The following DYNC2H1 variants were observed in gnomAD, a reference collection of about 807,000 sequenced individuals.
DYNC2H1 encodes the protein cytoplasmic dynein 2 heavy chain 1.
DYNC2H1 carries 410 observed loss-of-function variants against 570.0 expected under a neutral mutation model. The observed-to-expected ratio is 0.72, with a 90% CI of 0.66 to 0.78. The LOEUF is 0.78. Ranked by LOEUF, DYNC2H1 falls within the 30% of genes least tolerant of loss-of-function variation. DYNC2H1 has a pLI of 0.00. For synonymous variants in DYNC2H1, 1,688 were observed against 1,677.6 expected (o/e 1.01, Z -0.15); for missense variants, 4,865 against 5,046.4 (o/e 0.96, Z 1.09).
At position 103,114,211 on chromosome 11, in the gene DYNC2H1, T is replaced by C. The variant is rs775921776; in HGVS notation, c.475T>C (p.Leu159=). 7 of 1,596,882 alleles carry C rather than the reference T, an allele frequency of 4.4e-6. No homozygotes were observed. The highest frequency in any genetic ancestry group is 6.0e-6 in the Non-Finnish European group (7 of 1,170,682). Reference sequence around the variant, plus strand: ...AAGATCAGACACTAACTTAACAAAATTGAAATTTAAGGAAGATGACACACG... The same window carrying C: ...AAGATCAGACACTAACTTAACAAAACTGAAATTTAAGGAAGATGACACACG... ...LRRSDTNLTK[L]KFKEDDTRGI... is the part of the protein sequence containing the mutation. The change falls in exon 3 of 89, where the codon TTG becomes CTG. Residue 159 remains leucine, a synonymous_variant. Coordinates refer to ENST00000375735, the MANE Select transcript of DYNC2H1 (RefSeq NM_001377.3).
In DYNC2H1 at chr11:103,154,370, G is replaced by A. The variant is rs1860709683; in HGVS notation, c.3303-81G>A. 8 of 1,222,304 alleles carry A rather than the reference G, an allele frequency of 6.5e-6. 1 individual carries two copies. In the South Asian group the frequency reaches 1.3e-4, roughly 19 times the overall value. 75.7% of individuals were successfully genotyped at this position (1,222,304 alleles called of 1,614,324 possible). A position where few individuals can be genotyped will look rare whatever the true frequency, so the allele number is the denominator to read the frequency against. On this transcript the variant is annotated intron_variant, in intron 22 of 88. Transcript: ENST00000375735. ...GTGTGTGTACACACATACAAGGATT[G>A]CAGTTAAGTAACTTAATGATACTTA...
chr11:103,424,024 A>G (rs934213047), intron 84 of DYNC2H1, among the ~76,000 whole-genome samples: 4 of 152,256 alleles, frequency 2.6e-5, no homozygotes, highest in African/African-American at 9.6e-5. Flanking sequence ...AGACTTGTGC[A>G]CTGAGAGCTA....
intron 12 of DYNC2H1, among the ~76,000 whole-genome samples, chr11:103,127,791 C>G (rs1859073757): frequency 6.6e-6 from 1 of 152,202 alleles, no homozygotes; most frequent in Non-Finnish European, 1.5e-5. Context: ...TTATTGAGTC[C>G]TTGCTGTTTG....
rs75543064 is a variant in DYNC2H1, at chr11:103,126,529, T to C, written c.1857+1234T>C. Among the ~76,000 whole-genome samples, 5 of 152,226 alleles carry C rather than the reference T, an allele frequency of 3.3e-5. No individual in the cohort carries two copies. In the East Asian group the frequency reaches 5.8e-4, roughly 18 times the overall value. On this transcript the variant is annotated intron_variant, in intron 12 of 88. Transcript: ENST00000375735. ...TTTAATTAATTCCCCATTGTACCAC[T>C]GATCTAACTGAGGATCAGATGTTTA...
chr11:103,237,569 A>G (rs1864268086), intron 63 of DYNC2H1, among the ~76,000 whole-genome samples: 1 of 151,726 alleles, frequency 6.6e-6, no homozygotes, highest in Admixed American at 6.6e-5. Flanking sequence ...TTTTTTTATT[A>G]TTTTCACAAT....
At chr11:103,367,045 T>C (rs1295646038) in intron 83 of DYNC2H1, among the ~76,000 whole-genome samples, 2 of 152,134 alleles carry the variant, frequency 1.3e-5, no homozygotes, top group Non-Finnish European at 2.9e-5. Context: ...CCTAATTAAA[T>C]TGCATATTAA....
Position 103,265,199 on chromosome 11 carries a change from T to G in DYNC2H1, c.10695+5222T>G, listed in dbSNP as rs1264764618. 7.2e-5 allele frequency among the ~76,000 whole-genome samples: 11 copies of G among 152,176 alleles called. No homozygotes were observed. In the South Asian group the frequency reaches 2.3e-3, roughly 32 times the overall value. On this transcript the variant is annotated intron_variant, in intron 70 of 88. Transcript: ENST00000375735. ...ACACAGAGAGGGGAACATCACACAC[T>G]GGAGCCTGTTGGGGGGTGCGGTAAA...
intron 70 of DYNC2H1, among the ~76,000 whole-genome samples, chr11:103,263,619 A>G (rs1865399680): frequency 6.6e-6 from 1 of 152,188 alleles, no homozygotes; most frequent in Non-Finnish European, 1.5e-5. Context: ...CTAGTAGGTA[A>G]ATAACAAAAT....
At chr11:103,281,359 T>C (rs2135339028) in intron 71 of DYNC2H1, among the ~76,000 whole-genome samples, 1 of 152,172 alleles carries the variant, frequency 6.6e-6, no homozygotes, top group South Asian at 2.1e-4. Flanking sequence ...CCATGAAATA[T>C]ATATATTCCT....
chr11:103,202,313 G>C (rs879858540), intron 50 of DYNC2H1, among the ~76,000 whole-genome samples: 1 of 52,832 alleles, frequency 1.9e-5, no homozygotes, highest in Non-Finnish European at 4.3e-5. Flanking sequence ...TTTTTTTTTT[G>C]GAAAGCAAAC....
intron 18 of DYNC2H1, among the ~76,000 whole-genome samples, chr11:103,147,127 A>G (rs989500549): frequency 2.6e-5 from 4 of 152,220 alleles, no homozygotes; most frequent in Admixed American, 6.5e-5. Context: ...TTCTAAAGGT[A>G]GAGTTGTTAA....
intron 70 of DYNC2H1, among the ~76,000 whole-genome samples, chr11:103,260,937 A>T (rs1221566906): frequency 2.0e-5 from 3 of 149,052 alleles, no homozygotes; most frequent in Admixed American, 2.0e-4. Context: ...TTTTTTTTTT[A>T]AATAGCAATC....
At chr11:103,368,357 A>G (rs1479943848) in intron 83 of DYNC2H1, among the ~76,000 whole-genome samples, 1 of 151,922 alleles carries the variant, frequency 6.6e-6, no homozygotes, top group African/African-American at 2.4e-5. Context: ...TTAATGATGT[A>G]CATTTTTTCA....
At chr11:103,208,815 G>C (rs1863036854) in intron 52 of DYNC2H1, among the ~76,000 whole-genome samples, 1 of 151,912 alleles carries the variant, frequency 6.6e-6, no homozygotes. Flanking sequence ...CAAATTAATA[G>C]GCTTACTATG....
At chr11:103,371,173 G>T (rs558371824) in intron 83 of DYNC2H1, among the ~76,000 whole-genome samples, 2 of 152,050 alleles carry the variant, frequency 1.3e-5, no homozygotes, top group Non-Finnish European at 2.9e-5. Flanking sequence ...GCATACTGAA[G>T]AATGCATTCA....
At chr11:103,262,339 A>C (rs1865331971) in intron 70 of DYNC2H1, among the ~76,000 whole-genome samples, 1 of 152,214 alleles carries the variant, frequency 6.6e-6, no homozygotes, top group African/African-American at 2.4e-5. Context: ...CAAATTCAGG[A>C]AGTACAGAGA....
chr11:103,315,373 A>G (rs570876119), intron 79 of DYNC2H1, among the ~76,000 whole-genome samples: 1 of 152,080 alleles, frequency 6.6e-6, no homozygotes, highest in Non-Finnish European at 1.5e-5. Context: ...GTGTTTGTTT[A>G]AATGCTTTGT....
chr11:103,120,119 T>C (rs532419594), intron 6 of DYNC2H1, among the ~76,000 whole-genome samples: 118 of 152,128 alleles, frequency 7.8e-4, no homozygotes, highest in Non-Finnish European at 9.9e-4. Context: ...CTCTAAAAAT[T>C]TACTTAAATG....
Position 103,129,060 on chromosome 11 carries a change from T to A in DYNC2H1, c.1953+55T>A. 1.4e-6 allele frequency: 2 copies of A among 1,451,144 alleles called. No homozygotes were observed. The highest frequency in any genetic ancestry group is 2.6e-5 in the South Asian group (2 of 75,802). 89.9% of individuals were successfully genotyped at this position (1,451,144 alleles called of 1,614,324 possible). A position where few individuals can be genotyped will look rare whatever the true frequency, so the allele number is the denominator to read the frequency against. ...AGATTTTACATGTGAAGTGTTTAATTCTTAATTTTCCGGTGTTCCCTTCAG... is the reference window on the plus strand; with the variant it reads ...AGATTTTACATGTGAAGTGTTTAATACTTAATTTTCCGGTGTTCCCTTCAG... On this transcript the variant is annotated intron_variant, in intron 13 of 88. Transcript: ENST00000375735. The surrounding 1 kb of genome is among the most constrained non-coding windows in gnomAD (Gnocchi z 4.1).
Sources: allele counts gnomAD v4.1 joint callset (sites outside exome capture counted in the v4.1 genomes callset), GRCh38; gene constraint gnomAD v4.1.1; non-coding constraint Gnocchi (gnomAD v3.1); transcripts MANE v1.5; gene names NCBI Gene and HGNC (gene_info 2026-07-23, HGNC 2026-07-21).